PCDHA6: variants seen among roughly 807,000 people sequenced by gnomAD.
PCDHA6 encodes the protein protocadherin alpha-6.
A neutral mutation model predicts 60.3 loss-of-function variants in PCDHA6; 55 were observed. The ratio of observed to expected loss-of-function variants is 0.91; its 90% CI spans 0.73 to 1.14. The LOEUF (loss-of-function observed/expected upper bound fraction) is 1.14, where lower values mean the gene tolerates loss of function less well. Among genes scored for constraint, PCDHA6 ranks in the 50% most tolerant of loss-of-function variants. The pLI, the probability that PCDHA6 is intolerant of heterozygous loss-of-function variation, is 0.00. For missense variants in PCDHA6, 1,327 were observed against 1,256.5 expected (o/e 1.06, Z -0.85); for synonymous variants, 652 against 557.9 (o/e 1.17, Z -2.38).
rs2150519763 is a variant in PCDHA6 at position 140,852,589 on chromosome 5, T to A, written c.2394+22104T>A. The A allele has an allele frequency of 2.2e-3, 1,950 of 884,634 alleles. 113 individuals are homozygous for A. Among genetic ancestry groups the A allele is most frequent in the South Asian group, 8.1e-3 (160 of 19,680 alleles). 54.8% of individuals were successfully genotyped at this position (884,634 alleles called of 1,614,324 possible). A position where few individuals can be genotyped will look rare whatever the true frequency, so the allele number is the denominator to read the frequency against. On this transcript the variant is annotated intron_variant, in intron 1 of 3. Coordinates refer to ENST00000529310, the MANE Select transcript of PCDHA6 (RefSeq NM_018909.4). Reference sequence around the variant, plus strand: ...CTGTGCCAAGGCTTTTTTATTTTTTTTTTTTGTCATTTTCTTTCAAAACTT... The same window carrying A: ...CTGTGCCAAGGCTTTTTTATTTTTTATTTTTGTCATTTTCTTTCAAAACTT...
At chr5:141,001,971 G>C (rs1240624295) in intron 3 of PCDHA6, among the ~76,000 whole-genome samples, 2 of 152,186 alleles carry the variant, frequency 1.3e-5, no homozygotes, top group Admixed American at 1.3e-4. Flanking sequence ...GGGTGTCTCT[G>C]CGCGGAAAGC....
At position 140,856,560 on chromosome 5, in the gene PCDHA6, T is replaced by G. The variant is rs782375648; in HGVS notation, c.2394+26075T>G. 94 of 1,597,798 alleles carry G rather than the reference T, an allele frequency of 5.9e-5. 1 individual carries two copies. ...GAGAACGCATTGCTTACTTACAAAC[T>G]CAGTCCAAATGAGTATTTTGTTCTT... On this transcript the variant is annotated intron_variant, in intron 1 of 3. Transcript: ENST00000529310.
At chr5:140,942,619 TAA>T (rs35075175) in intron 1 of PCDHA6, among the ~76,000 whole-genome samples, 10 of 148,966 alleles carry the variant, frequency 6.7e-5, no homozygotes, top group Middle Eastern at 3.4e-3. Context: ...TTGCCAATTG[TAA>T]AAAAAAAAAT....
intron 1 of PCDHA6, among the ~76,000 whole-genome samples, chr5:140,943,257 C>CAAA (rs1238620023): frequency 1.0e-4 from 8 of 76,640 alleles, no homozygotes; most frequent in Admixed American, 6.0e-4. Context: ...GACTCTGTCT[C>CAAA]AAAAAAAAAA....
At chr5:140,875,304 A>G in intron 1 of PCDHA6, 6 of 1,416,398 alleles carry the variant, frequency 4.2e-6, no homozygotes, top group Non-Finnish European at 5.5e-6. Context: ...TTTTCTCCGC[A>G]CCCACATTCC....
chr5:141,000,367 C>G (rs1158701279), intron 3 of PCDHA6, among the ~76,000 whole-genome samples: 1 of 18,506 alleles, frequency 5.4e-5, no homozygotes, highest in Admixed American at 6.5e-4. Flanking sequence ...CTCTGTCTCT[C>G]TCTCTCTCTC....
At chr5:140,984,783 G>A (rs2097120793) in intron 3 of PCDHA6, among the ~76,000 whole-genome samples, 1 of 152,152 alleles carries the variant, frequency 6.6e-6, no homozygotes, top group African/African-American at 2.4e-5. Flanking sequence ...CTTGCTGGGT[G>A]AGCATAGACA....
chr5:140,907,582 G>A (rs978225789), intron 1 of PCDHA6, among the ~76,000 whole-genome samples: 1 of 152,190 alleles, frequency 6.6e-6, no homozygotes, highest in Admixed American at 6.5e-5. Flanking sequence ...CAGGTAGCTG[G>A]CTGATCACCC....
intron 1 of PCDHA6, chr5:140,877,716 G>A: frequency 6.2e-7 from 1 of 1,614,116 alleles, no homozygotes; most frequent in Non-Finnish European, 8.5e-7. Context: ...TGGGGAGTTG[G>A]TCTTACTCGC....
chr5:140,839,214 T>TG (rs2150295462), intron 1 of PCDHA6, among the ~76,000 whole-genome samples: 88,381 of 151,600 alleles, frequency 0.58, 26,863 homozygotes, highest in African/African-American at 0.73. Context: ...CCTTCAAAGA[T>TG]GTAACTGTAA....
At position 140,835,912 on chromosome 5, in the gene PCDHA6, T is replaced by C. The variant is rs2150248212; in HGVS notation, c.2394+5427T>C. ...CGCGCGCTGTCGAGCTACGTGTCAG[T>C]GCACGCGGAGAGCGGCAAGGTGTAC... On this transcript the variant is annotated intron_variant, in intron 1 of 3. Coordinates refer to ENST00000529310, the MANE Select transcript of PCDHA6 (RefSeq NM_018909.4). 1.9e-5 allele frequency: 30 copies of C among 1,612,232 alleles called. 1 individual carries two copies. In the South Asian group the frequency reaches 2.6e-4, roughly 14 times the overall value.
At chr5:140,966,806 C>T in intron 1 of PCDHA6, 1 of 1,546,832 alleles carries the variant, frequency 6.5e-7, no homozygotes, top group Non-Finnish European at 8.7e-7. Context: ...GACAGAGCAT[C>T]CACGGCTCCG....
intron 3 of PCDHA6, among the ~76,000 whole-genome samples, chr5:140,996,371 C>G (rs1183587138): frequency 6.6e-6 from 1 of 152,126 alleles, no homozygotes; most frequent in Admixed American, 6.6e-5. Context: ...ATTTTGTTGT[C>G]GGCTGAAATA....
At chr5:140,971,778 G>C (rs1346530602) in intron 1 of PCDHA6, among the ~76,000 whole-genome samples, 2 of 151,860 alleles carry the variant, frequency 1.3e-5, no homozygotes, top group Non-Finnish European at 2.9e-5. Context: ...TATTATTCAA[G>C]ATTATTCAAT....
chr5:140,966,837 T>C, intron 1 of PCDHA6: 1 of 1,566,152 alleles, frequency 6.4e-7, no homozygotes. Context: ...CCCTGGCTGC[T>C]GCTACTGCCT....
At chr5:140,834,970 T>A (rs2150229489) in intron 1 of PCDHA6, 1 of 1,502,862 alleles carries the variant, frequency 6.7e-7, no homozygotes, top group Non-Finnish European at 9.0e-7. Context: ...GGACTTGTAT[T>A]ACGGAAACTT....
intron 1 of PCDHA6, chr5:140,856,304 A>C (rs782114957): frequency 1.3e-5 from 21 of 1,598,432 alleles, no homozygotes; most frequent in Non-Finnish European, 1.8e-5. Flanking sequence ...TTTGTTTGTG[A>C]ATTCTCGGAT....
chr5:140,996,803 G>A (rs2097746425), intron 3 of PCDHA6, among the ~76,000 whole-genome samples: 1 of 152,224 alleles, frequency 6.6e-6, no homozygotes, highest in African/African-American at 2.4e-5. Flanking sequence ...ATCCAATCAT[G>A]CTTTCCAAAA....
At chr5:140,928,495 A>G in intron 1 of PCDHA6, 2 of 1,614,206 alleles carry the variant, frequency 1.2e-6, no homozygotes, top group South Asian at 1.1e-5. Flanking sequence ...CATTCCTCCC[A>G]GAAGTGCAAC....
Sources: gnomAD v4.1 joint callset for allele counts (sites outside exome capture counted in the v4.1 genomes callset) on GRCh38, gnomAD v4.1.1 for gene constraint, MANE v1.5 for transcripts, NCBI Gene and HGNC (gene_info 2026-07-23, HGNC 2026-07-21) for gene names.